Variants in TRAP1 observed in about 807,000 individuals in gnomAD.
TRAP1 encodes the protein heat shock protein 75 kDa, mitochondrial.
A neutral mutation model predicts 89.1 loss-of-function variants in TRAP1; 102 were observed. The ratio of observed to expected loss-of-function variants is 1.15; its 90% confidence interval spans 0.98 to 1.35. The LOEUF (loss-of-function observed/expected upper bound fraction) is 1.35. Ranked by LOEUF, TRAP1 falls within the 40% of genes most tolerant of loss-of-function variation. The pLI, the probability that TRAP1 is intolerant of heterozygous loss-of-function variation, is 0.00. For missense variants in TRAP1, 1,256 were observed against 945.3 expected (o/e 1.33, Z -4.31); for synonymous variants, 508 against 388.0 (o/e 1.31, Z -3.64).
At chr16:3,701,594 C>T (rs928098869) in intron 1 of TRAP1, among the ~76,000 whole-genome samples, 1 of 151,172 alleles carries the variant, frequency 6.6e-6, no homozygotes, top group African/African-American at 2.4e-5. Context: ...GAAGAAAAAC[C>T]TGGGGCAAAA....
chr16:3,664,176 C>T lies in TRAP1; in HGVS notation c.1569+98G>A, dbSNP rs565679012. 1.7e-3 allele frequency: 2,198 copies of T among 1,319,000 alleles called. 4 individuals are homozygous for T. Among genetic ancestry groups the T allele is most frequent in the Non-Finnish European group, 1.8e-3 (1,800 of 995,134 alleles). 81.7% of individuals were successfully genotyped at this position (1,319,000 alleles called of 1,614,324 possible). A position where few individuals can be genotyped will look rare whatever the true frequency, so the allele number is the denominator to read the frequency against. On this transcript the variant is annotated intron_variant, in intron 13 of 17. Coordinates refer to ENST00000246957, the MANE Select transcript of TRAP1 (RefSeq NM_016292.3). ...CCCTGACCCACTGTGCAGCCCTGCC[C>T]GGAGTCTTGGGCAGGTTCACCCAGC...
chr16:3,689,256 T>C (rs898073939), intron 2 of TRAP1, 119 bp from the exon 3 acceptor site: 6 of 911,836 alleles, frequency 6.6e-6, no homozygotes, highest in Non-Finnish European at 9.5e-6. Flanking sequence ...TTTTTTTTTT[T>C]TTTTTTGAGA....
rs771253844 is a variant in TRAP1, at chr16:3,686,129, A to G, written c.338T>C (p.Ile113Thr). The change falls in exon 4 of 18, where the codon ATA becomes ACA. Residue 113 changes from isoleucine to threonine, a missense_variant. Coordinates refer to ENST00000246957, the MANE Select transcript of TRAP1 (RefSeq NM_016292.3). ...RSLYSEKEVF[I>T]RELISNASDA... is the part of the protein sequence containing the mutation. ...GCTGGCATTGGAGATCAGCTCCCGTATAAACACCTACAGGAATAGAAATGG... is the reference window on the plus strand; with the variant it reads ...GCTGGCATTGGAGATCAGCTCCCGTGTAAACACCTACAGGAATAGAAATGG... The G allele has an allele frequency of 3.1e-6, 5 of 1,614,128 alleles. No individual in the cohort carries two copies. Among genetic ancestry groups the G allele is most frequent in the Non-Finnish European group, 4.2e-6 (5 of 1,179,984 alleles).
chr16:3,710,167 G>A (rs1354387496), intron 1 of TRAP1, among the ~76,000 whole-genome samples: 1 of 152,184 alleles, frequency 6.6e-6, no homozygotes, highest in Non-Finnish European at 1.5e-5. Flanking sequence ...AAAAGCGAAA[G>A]GGCACCTCGG....
In TRAP1 at chr16:3,671,708, G is replaced by T; in HGVS notation, c.1235+14C>A. On this transcript the variant is annotated intron_variant, in intron 11 of 17. Coordinates refer to ENST00000246957, the MANE Select transcript of TRAP1 (RefSeq NM_016292.3). ...GTCCCCAGCAGGGTCCTCTCCCCGC[G>T]GCCCGAGGCTCACCTGATGAGTGCG... 6.2e-7 allele frequency: 1 copy of T among 1,611,608 alleles called. No individual in the cohort carries two copies. Among genetic ancestry groups the T allele is most frequent in the South Asian group, 1.1e-5 (1 of 90,980 alleles).
chr16:3,690,015 T>G (rs1423646002), intron 2 of TRAP1, among the ~76,000 whole-genome samples: 2 of 147,878 alleles, frequency 1.4e-5, no homozygotes, highest in African/African-American at 4.9e-5. Flanking sequence ...ATGTTCTTTC[T>G]TTTTTTTTTA....
In TRAP1 at chr16:3,694,573, A is replaced by G. The variant is rs1451175286; in HGVS notation, c.89-3588T>C. The stretch of plus-strand genomic sequence containing the variant: ...GGCTGGTCTCCAACTCCTGACCTCA[A>G]GTGATCTGCCCACCTTGGCCTCCCA... On this transcript the variant is annotated intron_variant, in intron 1 of 17. Transcript: ENST00000246957. Among the ~76,000 whole-genome samples, 4 of 152,190 alleles carry G rather than the reference A, an allele frequency of 2.6e-5. No homozygotes were observed. The South Asian group carries it at 8.3e-4, about 32-fold the overall frequency.
At chr16:3,677,259 C>T (rs1053693058) in intron 6 of TRAP1, among the ~76,000 whole-genome samples, 8 of 152,100 alleles carry the variant, frequency 5.3e-5, no homozygotes, top group South Asian at 2.1e-4. Context: ...GAGCTCAGCG[C>T]GGGCCGGACC....
intron 13 of TRAP1, 49 bp downstream of exon 13, chr16:3,664,225 C>A: frequency 6.7e-7 from 1 of 1,486,410 alleles, no homozygotes; most frequent in East Asian, 2.4e-5. Context: ...GGTCAAGACC[C>A]TCCCCAGGTT....
chr16:3,677,890 C>T, intron 5 of TRAP1: 1 of 514,228 alleles, frequency 1.9e-6, no homozygotes, highest in African/African-American at 1.9e-5. Context: ...CATTTGATTC[C>T]CAAAGCTCAC....
At chr16:3,666,452 A>G (rs941025734) in intron 11 of TRAP1, among the ~76,000 whole-genome samples, 2 of 152,138 alleles carry the variant, frequency 1.3e-5, no homozygotes, top group Non-Finnish European at 2.9e-5. Flanking sequence ...ATGTGAGCAC[A>G]CCAAGATTTA....
At chr16:3,668,514 G>A (rs2050868125) in intron 11 of TRAP1, among the ~76,000 whole-genome samples, 1 of 152,222 alleles carries the variant, frequency 6.6e-6, no homozygotes, top group Non-Finnish European at 1.5e-5. Flanking sequence ...CATCGAGAAG[G>A]CAACTTCCTC....
At chr16:3,676,674 C>T (rs909092083) in intron 6 of TRAP1, 3 of 152,702 alleles carry the variant, frequency 2.0e-5, no homozygotes, top group Admixed American at 1.3e-4. Context: ...AGTGGGGAGT[C>T]AAGCTGAGCA....
intron 16 of TRAP1, chr16:3,661,315 A>G (rs2061427181): frequency 1.5e-5 from 2 of 137,678 alleles, no homozygotes. Context: ...TACAACAGAT[A>G]AAGGGCATAT....
At chr16:3,696,306 CAGG>C (rs1742333004) in intron 1 of TRAP1, among the ~76,000 whole-genome samples, 2 of 152,172 alleles carry the variant, frequency 1.3e-5, no homozygotes, top group Non-Finnish European at 1.5e-5. Context: ...CGGGGTGTGT[CAGG>C]AGAACACACA....
chr16:3,675,249 T>C (rs2050973390), intron 8 of TRAP1, 75 bp downstream of exon 8: 1 of 1,472,992 alleles, frequency 6.8e-7, no homozygotes, highest in Admixed American at 1.7e-5. Flanking sequence ...CCTGGGCTCA[T>C]CTCTTCTCCG....
intron 7 of TRAP1, among the ~76,000 whole-genome samples, chr16:3,675,759 G>A (rs559120832): frequency 7.9e-5 from 12 of 152,298 alleles, no homozygotes; most frequent in South Asian, 2.1e-4. Context: ...ACAGGACTGC[G>A]CCAAACCCCC....
intron 1 of TRAP1, among the ~76,000 whole-genome samples, chr16:3,697,641 G>A (rs1364486400): frequency 7.0e-6 from 1 of 142,678 alleles, no homozygotes; most frequent in Admixed American, 7.2e-5. Flanking sequence ...TCCACCCTGG[G>A]CAACAGAGCA....
At chr16:3,664,202 A>G in intron 13 of TRAP1, 72 bp downstream of exon 13, 2 of 1,433,660 alleles carry the variant, frequency 1.4e-6, no homozygotes, top group South Asian at 1.5e-5. Flanking sequence ...TTCACCCAGC[A>G]CAGAGCTGAG....
Sources: gnomAD v4.1 joint callset for allele counts (sites outside exome capture counted in the v4.1 genomes callset) on GRCh38, gnomAD v4.1.1 for gene constraint, MANE v1.5 for transcripts, NCBI Gene and HGNC (gene_info 2026-07-23, HGNC 2026-07-21) for gene names.